The following TYR variants were observed in gnomAD, a reference collection of about 807,000 sequenced individuals.
TYR encodes the protein LB24-AB.
In TYR, 58 loss-of-function variants were observed where a neutral mutation model predicts 51.5. The observed-to-expected ratio is 1.13, with a 90% CI of 0.91 to 1.40. The LOEUF (loss-of-function observed/expected upper bound fraction) is 1.40, where lower values mean the gene tolerates loss of function less well. Among genes scored for constraint, TYR ranks in the 40% most tolerant of loss-of-function variants. The pLI, the probability that TYR is intolerant of heterozygous loss-of-function variation, is 0.00. For missense variants in TYR, 732 were observed against 647.4 expected (o/e 1.13, Z -1.42); for synonymous variants, 263 against 235.2 (o/e 1.12, Z -1.08).
rs566337741 is a variant in TYR at position 89,265,353 on chromosome 11, G to C, written c.1185-19420G>C. ...AAAGAGGAGCTTGCTGATAAGAGTT[G>C]TCACAACCACTCCACCTCTCAGAAT... On this transcript the variant is annotated intron_variant, in intron 3 of 4. Coordinates refer to ENST00000263321, the MANE Select transcript of TYR (RefSeq NM_000372.5). 2.0e-5 allele frequency among the ~76,000 whole-genome samples: 3 copies of C among 152,166 alleles called. No homozygotes were observed. In the East Asian group the frequency reaches 5.8e-4, roughly 30 times the overall value.
intron 3 of TYR, among the ~76,000 whole-genome samples, chr11:89,276,678 G>T (rs1014188413): frequency 6.6e-6 from 1 of 151,722 alleles, no homozygotes; most frequent in African/African-American, 2.4e-5. Flanking sequence ...ATTAATGCAG[G>T]TGTCTGTTGG....
At chr11:89,217,406 G>C (rs1007802684) in intron 2 of TYR, among the ~76,000 whole-genome samples, 3 of 152,176 alleles carry the variant, frequency 2.0e-5, no homozygotes, top group African/African-American at 7.2e-5. Context: ...TGAGTCTACT[G>C]TCCCCCACTT....
At chr11:89,262,169 C>T (rs902046619) in intron 3 of TYR, among the ~76,000 whole-genome samples, 3 of 152,048 alleles carry the variant, frequency 2.0e-5, no homozygotes, top group African/African-American at 7.2e-5. Flanking sequence ...AGTGATTCTC[C>T]TGCCTCGGCC....
At chr11:89,187,792 T>C (rs1019298471) in intron 1 of TYR, among the ~76,000 whole-genome samples, 3 of 151,996 alleles carry the variant, frequency 2.0e-5, no homozygotes, top group African/African-American at 7.2e-5. Flanking sequence ...TCAAATGTCT[T>C]TGTGTCAGGC....
At chr11:89,231,357 A>T (rs1256104401) in intron 3 of TYR, among the ~76,000 whole-genome samples, 1 of 106,076 alleles carries the variant, frequency 9.4e-6, no homozygotes, top group Non-Finnish European at 1.9e-5. Context: ...AGTTCATTGC[A>T]ACATTATTCA....
intron 3 of TYR, among the ~76,000 whole-genome samples, chr11:89,264,745 A>AC (rs1360799704): frequency 6.7e-6 from 1 of 148,604 alleles, no homozygotes; most frequent in African/African-American, 2.6e-5. Context: ...CAAAAAAAAA[A>AC]AACAAACAAA....
In TYR at chr11:89,178,049, G is replaced by A. The variant is rs368867541; in HGVS notation, c.96G>A (p.Glu32=). 1.9e-6 allele frequency: 3 copies of A among 1,614,202 alleles called. No homozygotes were observed. Among genetic ancestry groups the A allele is most frequent in the African/African-American group, 2.7e-5 (2 of 75,052 alleles). ...GTGTCTCCTCTAAGAACCTGATGGA[G>A]AAGGAATGCTGTCCACCGTGGAGCG... is the stretch of plus-strand genomic sequence containing the variant. ...RACVSSKNLM[E]KECCPPWSGD... The change falls in exon 1 of 5, where the codon GAG becomes GAA. Residue 32 remains glutamate, a synonymous_variant. Transcript: ENST00000263321.
intron 2 of TYR, among the ~76,000 whole-genome samples, chr11:89,202,622 T>TACACACACAC (rs10526067): frequency 4.9e-4 from 69 of 141,368 alleles, no homozygotes; most frequent in South Asian, 1.5e-3. Flanking sequence ...ATTTTCATAA[T>TACACACACAC]ACACACACAC....
intron 3 of TYR, among the ~76,000 whole-genome samples, chr11:89,251,228 T>A (rs1389852395): frequency 6.6e-6 from 1 of 151,974 alleles, no homozygotes; most frequent in African/African-American, 2.4e-5. Context: ...AACTAATGTA[T>A]AAAATATCTA....
chr11:89,255,413 T>TACATA (rs1370181837), intron 3 of TYR, among the ~76,000 whole-genome samples: 1 of 151,602 alleles, frequency 6.6e-6, no homozygotes, highest in African/African-American at 2.4e-5. Context: ...ATAAATTAAA[T>TACATA]AAATAAAATA....
intron 1 of TYR, among the ~76,000 whole-genome samples, chr11:89,190,971 G>A (rs958696591): frequency 6.6e-6 from 1 of 152,116 alleles, no homozygotes; most frequent in African/African-American, 2.4e-5. Flanking sequence ...ATGTTTAGTA[G>A]GCTATACCAT....
chr11:89,204,470 T>C (rs1943644560), intron 2 of TYR, among the ~76,000 whole-genome samples: 1 of 151,948 alleles, frequency 6.6e-6, no homozygotes, highest in East Asian at 1.9e-4. Context: ...CTCAGCCCAC[T>C]GCAACCTCCA....
At chr11:89,272,483 A>C (rs1249977898) in intron 3 of TYR, among the ~76,000 whole-genome samples, 1 of 151,692 alleles carries the variant, frequency 6.6e-6, no homozygotes, top group East Asian at 2.0e-4. Context: ...TCACCTAAAC[A>C]TTGTTCTATT....
intron 2 of TYR, among the ~76,000 whole-genome samples, chr11:89,209,951 C>T (rs1456210151): frequency 6.6e-6 from 1 of 152,112 alleles, no homozygotes; most frequent in East Asian, 1.9e-4. Context: ...CAAAGCAAAA[C>T]CCCATTTTTA....
intron 3 of TYR, among the ~76,000 whole-genome samples, chr11:89,263,832 T>C (rs543585847): frequency 6.6e-6 from 1 of 152,008 alleles, no homozygotes; most frequent in Non-Finnish European, 1.5e-5. Context: ...TGAAAGAAAT[T>C]AATAAAGATC....
At chr11:89,201,503 A>G (rs909760708) in intron 2 of TYR, among the ~76,000 whole-genome samples, 2 of 152,262 alleles carry the variant, frequency 1.3e-5, no homozygotes, top group Non-Finnish European at 2.9e-5. Flanking sequence ...AGGCATGTAA[A>G]AAAAGATAGT....
At chr11:89,244,375 A>G (rs951931848) in intron 3 of TYR, among the ~76,000 whole-genome samples, 8 of 151,968 alleles carry the variant, frequency 5.3e-5, no homozygotes, top group Non-Finnish European at 1.5e-5. Context: ...GTCCAGCTCC[A>G]GCTTCTGAAA....
intron 3 of TYR, among the ~76,000 whole-genome samples, chr11:89,259,488 G>T (rs1944433035): frequency 1.3e-5 from 2 of 152,028 alleles, no homozygotes; most frequent in Admixed American, 1.3e-4. Context: ...CGCTAAATTA[G>T]GTCCCTTTGG....
chr11:89,291,716 G>A (rs879835689), intron 4 of TYR, among the ~76,000 whole-genome samples: 1 of 151,852 alleles, frequency 6.6e-6, no homozygotes, highest in Non-Finnish European at 1.5e-5. Context: ...AAATGTTTAT[G>A]CCCCTATATC....
Sources: gnomAD v4.1 joint callset for allele counts (sites outside exome capture counted in the v4.1 genomes callset) on GRCh38, gnomAD v4.1.1 for gene constraint, MANE v1.5 for transcripts, NCBI Gene and HGNC (gene_info 2026-07-23, HGNC 2026-07-21) for gene names.